Variants in PCDHA3 observed in about 807,000 individuals in gnomAD.
The protein encoded by PCDHA3 is protocadherin alpha-3.
PCDHA3 carries 41 observed loss-of-function variants against 62.2 expected under a neutral mutation model. The observed-to-expected ratio is 0.66, with a 90% CI of 0.51 to 0.86. The LOEUF is 0.86. Ranked by LOEUF, PCDHA3 falls within the 40% of genes least tolerant of loss-of-function variation. The pLI is 0.00. For synonymous variants in PCDHA3, 640 were observed against 555.4 expected, an observed-to-expected ratio of 1.15 and a Z score of -2.14; for missense variants, 1,304 against 1,241.2, an observed-to-expected ratio of 1.05 and a Z score of -0.76.
At chr5:140,920,481 G>T (rs2079651233) in intron 1 of PCDHA3, among the ~76,000 whole-genome samples, 1 of 151,886 alleles carries the variant, frequency 6.6e-6, no homozygotes, top group Non-Finnish European at 1.5e-5. Context: ...TATGTTTTTG[G>T]TCCAACAATA....
chr5:140,801,287 G>T lies in PCDHA3; in HGVS notation c.90G>T (p.Gln30His). The change falls in exon 1 of 4, where the codon CAG (glutamine) becomes CAT (histidine). Residue 30 changes from glutamine (Q) to histidine (H), a missense_variant. Physicochemically the swap from Gln to His is conservative, Grantham distance 24. Coordinates refer to ENST00000522353, the MANE Select transcript of PCDHA3 (RefSeq NM_018906.3). Reference sequence around the variant, plus strand: ...CAGCCTCGGAGGTGGGGAGCGGCCAGCTCCACTACTCCGTCTCTGAGGAGG... The same window carrying T: ...CAGCCTCGGAGGTGGGGAGCGGCCATCTCCACTACTCCGTCTCTGAGGAGG... ...LLAASEVGSG[Q>H]LHYSVSEEAK... 1 of 1,613,556 alleles carries T rather than the reference G, an allele frequency of 6.2e-7. No individual in the cohort carries two copies. Among genetic ancestry groups the T allele is most frequent in the African/African-American group, 1.3e-5 (1 of 75,054 alleles).
chr5:140,883,003 C>T, intron 1 of PCDHA3: 1 of 1,614,050 alleles, frequency 6.2e-7, no homozygotes, highest in East Asian at 2.2e-5. Flanking sequence ...TTTACCAATC[C>T]GTTTATAAAG....
chr5:140,931,907 G>A (rs573618162), intron 1 of PCDHA3, among the ~76,000 whole-genome samples: 107 of 151,900 alleles, frequency 7.0e-4, no homozygotes, highest in Middle Eastern at 3.5e-3. Context: ...CATTTGAAAA[G>A]CATGACATTT....
At chr5:140,921,832 A>G (rs1276240870) in intron 1 of PCDHA3, among the ~76,000 whole-genome samples, 1 of 152,120 alleles carries the variant, frequency 6.6e-6, no homozygotes, top group African/African-American at 2.4e-5. Flanking sequence ...CTATACACAT[A>G]TAGACATATT....
At chr5:140,960,832 G>T (rs141442734) in intron 1 of PCDHA3, among the ~76,000 whole-genome samples, 1 of 152,230 alleles carries the variant, frequency 6.6e-6, no homozygotes, top group African/African-American at 2.4e-5. Flanking sequence ...TGGAAACTTG[G>T]AACAGGTTTA....
intron 1 of PCDHA3, among the ~76,000 whole-genome samples, chr5:140,821,100 G>T (rs2150108683): frequency 2.6e-5 from 4 of 151,920 alleles, no homozygotes; most frequent in African/African-American, 9.7e-5. Flanking sequence ...TCAACAAAAT[G>T]TCACTATTAA....
At chr5:140,981,380 C>T (rs2096929731) in intron 2 of PCDHA3, among the ~76,000 whole-genome samples, 1 of 152,054 alleles carries the variant, frequency 6.6e-6, no homozygotes, top group Non-Finnish European at 1.5e-5. Flanking sequence ...TCAAGACCAG[C>T]CTGGTCAATA....
chr5:140,952,023 C>T (rs183831358), intron 1 of PCDHA3, among the ~76,000 whole-genome samples: 2 of 152,236 alleles, frequency 1.3e-5, no homozygotes, highest in African/African-American at 2.4e-5. Flanking sequence ...CATGCAAGTC[C>T]GAAATCCAGT....
intron 1 of PCDHA3, chr5:140,856,228 G>A: frequency 6.3e-7 from 1 of 1,598,094 alleles, no homozygotes; most frequent in Middle Eastern, 1.7e-4. Context: ...AGCTGGTGCA[G>A]CGCCTGTTCC....
chr5:140,827,582 C>A (rs1466478514), intron 1 of PCDHA3, among the ~76,000 whole-genome samples: 2 of 152,094 alleles, frequency 1.3e-5, no homozygotes, highest in African/African-American at 4.8e-5. Context: ...ATAGCATGTC[C>A]TAGGAAAGAC....
intron 1 of PCDHA3, among the ~76,000 whole-genome samples, chr5:140,904,267 A>C (rs2070997540): frequency 6.6e-6 from 1 of 152,016 alleles, no homozygotes; most frequent in South Asian, 2.1e-4. Context: ...CCCACTTATG[A>C]ATGAGAACAT....
At chr5:140,852,689 T>C (rs993759166) in intron 1 of PCDHA3, 1 of 972,400 alleles carries the variant, frequency 1.0e-6, no homozygotes, top group Non-Finnish European at 1.2e-6. Flanking sequence ...AATATAGTCT[T>C]ATACTTTCAA....
intron 1 of PCDHA3, among the ~76,000 whole-genome samples, chr5:140,888,420 C>T (rs947790198): frequency 3.3e-5 from 5 of 152,130 alleles, no homozygotes; most frequent in African/African-American, 4.8e-5. Context: ...AACATCCTAC[C>T]GTGCACAGGA....
chr5:140,985,346 A>G (rs2097147411), intron 3 of PCDHA3, among the ~76,000 whole-genome samples: 1 of 152,186 alleles, frequency 6.6e-6, no homozygotes, highest in African/African-American at 2.4e-5. Flanking sequence ...GCAGGCCCAG[A>G]TATAGACCCT....
At chr5:140,921,988 A>G (rs1182214376) in intron 1 of PCDHA3, among the ~76,000 whole-genome samples, 1 of 152,132 alleles carries the variant, frequency 6.6e-6, no homozygotes, top group Non-Finnish European at 1.5e-5. Flanking sequence ...ACTAAAAAAG[A>G]GTTCAATGAA....
chr5:140,835,857 T>C (rs2150246774), intron 1 of PCDHA3: 3 of 1,612,210 alleles, frequency 1.9e-6, no homozygotes, highest in Non-Finnish European at 8.5e-7. Flanking sequence ...GCTGGTGTCC[T>C]ACTCGCTGGT....
chr5:140,856,808 C>G (rs1554149136), intron 1 of PCDHA3: 1 of 1,594,492 alleles, frequency 6.3e-7, no homozygotes. Context: ...GTATGAAAAT[C>G]AAGTGAACCA....
rs930699906 is a variant in PCDHA3 at position 140,851,715 on chromosome 5, G to A, written c.2394+48124G>A. The A allele has an allele frequency of 9.3e-6, 9 of 963,892 alleles. No individual in the cohort carries two copies. In the East Asian group the frequency reaches 3.4e-4, roughly 37 times the overall value. The allele number at this position is 963,892 out of a possible 1,614,324, so 59.7% of individuals were successfully genotyped here. On this transcript the variant is annotated intron_variant, in intron 1 of 3. Transcript: ENST00000522353. Reference sequence around the variant, plus strand: ...AAAATGATCAGCCATGTGAAGATTCGAAACTTCGAGTTCTTTTGAAATTCA... The same window carrying A: ...AAAATGATCAGCCATGTGAAGATTCAAAACTTCGAGTTCTTTTGAAATTCA...
At chr5:140,841,187 C>T in intron 1 of PCDHA3, 1 of 1,214,566 alleles carries the variant, frequency 8.2e-7, no homozygotes, top group South Asian at 1.6e-5. Context: ...TGTTCAAAGT[C>T]TTTTCTCTGA....
Sources: gnomAD v4.1 joint callset for allele counts (sites outside exome capture counted in the v4.1 genomes callset) on GRCh38, gnomAD v4.1.1 for gene constraint, MANE v1.5 for transcripts, NCBI Gene and HGNC (gene_info 2026-07-23, HGNC 2026-07-21) for gene names.